Variants in LAMA1 observed in about 807,000 individuals in gnomAD.
LAMA1 encodes laminin subunit alpha-1.
A neutral mutation model predicts 348.7 loss-of-function variants in LAMA1; 219 were observed. That is an observed-to-expected ratio of 0.63 (90% confidence interval 0.56 to 0.70). LAMA1 has a LOEUF of 0.70. Ranked by LOEUF, LAMA1 falls within the 30% of genes least tolerant of loss-of-function variation. LAMA1 has a pLI of 0.00. For missense variants in LAMA1, 3,744 were observed against 3,888.0 expected (o/e 0.96, Z 0.99); for synonymous variants, 1,487 against 1,491.0 (o/e 1.00, Z 0.06).
rs202068831 is a variant in LAMA1, at chr18:6,977,711, G to A, written c.6345+16C>T. On this transcript the variant is annotated intron_variant, in intron 44 of 62. Coordinates refer to ENST00000389658, the MANE Select transcript of LAMA1 (RefSeq NM_005559.4). Reference sequence around the variant, plus strand: ...CTGAGAGCCCAGTTACGAAAGCCACGGGGCCCCAAACTCACAGAAGCTGCT... The same window carrying A: ...CTGAGAGCCCAGTTACGAAAGCCACAGGGCCCCAAACTCACAGAAGCTGCT... 44 of 1,613,666 alleles carry A rather than the reference G, an allele frequency of 2.7e-5. No homozygotes were observed. The highest frequency in any genetic ancestry group is 4.4e-5 in the South Asian group (4 of 91,058).
chr18:6,990,558 G>A (rs1319456384), intron 36 of LAMA1, among the ~76,000 whole-genome samples: 1 of 152,162 alleles, frequency 6.6e-6, no homozygotes, highest in Non-Finnish European at 1.5e-5. Context: ...TGAAGCCTCA[G>A]TGTGCAGTCG....
Position 7,085,579 on chromosome 18 carries a change from C to T in LAMA1, c.62-5122G>A, listed in dbSNP as rs554090759. ...GACTATAGGCACCCGCCACCAAGCC[C>T]GGCTAATTTTTTGTATTTTTAGTAG... On this transcript the variant is annotated intron_variant, in intron 1 of 62. Coordinates refer to ENST00000389658, the MANE Select transcript of LAMA1 (RefSeq NM_005559.4). 9.9e-5 allele frequency among the ~76,000 whole-genome samples: 15 copies of T among 151,918 alleles called. No homozygotes were observed. The East Asian group carries it at 1.2e-3, about 12-fold the overall frequency.
intron 46 of LAMA1, among the ~76,000 whole-genome samples, chr18:6,973,430 T>C (rs1029833371): frequency 1.7e-4 from 26 of 152,268 alleles, no homozygotes; most frequent in African/African-American, 6.3e-4. Context: ...TTAAAACATC[T>C]GAGATGAGCT....
At chr18:6,957,860 C>T (rs1458228588) in intron 55 of LAMA1, among the ~76,000 whole-genome samples, 1 of 151,972 alleles carries the variant, frequency 6.6e-6, no homozygotes, top group Non-Finnish European at 1.5e-5. Context: ...CAGCTCACTG[C>T]ACCTCCGCCT....
chr18:7,043,479 A>G, intron 7 of LAMA1, 74 bp from the exon 8 acceptor site: 1 of 1,191,124 alleles, frequency 8.4e-7, no homozygotes, highest in Non-Finnish European at 1.2e-6. Flanking sequence ...TAACCTCCCT[A>G]AGTAAGTTCT....
Position 7,011,468 on chromosome 18 carries a change from GC to G in LAMA1, c.3518del (p.Gly1173AlafsTer15). ...EDYVRTPVTLGSDQPLLRVVS... is the reference protein window; with the variant it reads ...EDYVRTPVTLXSDQPLLRVVS... ...CCACACGCAGAAGAGGCTGATCGGAGCCCAGCGTTACCTAAACCACGAAAGG... is the reference window on the plus strand; with the variant it reads ...CCACACGCAGAAGAGGCTGATCGGAGCCAGCGTTACCTAAACCACGAAAGG... On this transcript the variant is annotated frameshift_variant, in exon 25 of 63. Transcript: ENST00000389658. LOFTEE classifies it high-confidence loss of function. 1 of 1,604,310 alleles carries G rather than the reference GC, an allele frequency of 6.2e-7. No individual in the cohort carries two copies. Among genetic ancestry groups the G allele is most frequent in the South Asian group, 1.1e-5 (1 of 88,898 alleles).
chr18:6,986,373 G>T, intron 36 of LAMA1, 26 bp from the exon 37 acceptor site: 1 of 1,599,262 alleles, frequency 6.3e-7, no homozygotes. Context: ...GGTTCACATA[G>T]TAAGTAAATG....
Position 7,034,613 on chromosome 18 carries a change from TC to T in LAMA1, c.1916del (p.Arg639AsnfsTer21). 6.2e-7 allele frequency: 1 copy of T among 1,614,216 alleles called. No homozygotes were observed. Among genetic ancestry groups the T allele is most frequent in the Non-Finnish European group, 8.5e-7 (1 of 1,180,030 alleles). On this transcript the variant is annotated frameshift_variant, in exon 14 of 63. Coordinates refer to ENST00000389658, the MANE Select transcript of LAMA1 (RefSeq NM_005559.4). LOFTEE classifies it high-confidence loss of function. Reference sequence around the variant, plus strand: ...AATCTTGGAAGTTTTCAGGCACAAGTCTAACCACGTTTAGGTACTCTTCATA... The same window carrying T: ...AATCTTGGAAGTTTTCAGGCACAAGTTAACCACGTTTAGGTACTCTTCATA... ...QPYEEYLNVV[R>X]LVPENFQDFH...
In LAMA1 at chr18:7,117,668, C is replaced by T. The variant is rs182087823; in HGVS notation, c.53G>A (p.Arg18Gln). 2.1e-4 allele frequency: 340 copies of T among 1,598,342 alleles called. 1 individual carries two copies. In the East Asian group the frequency reaches 7.1e-3, roughly 33 times the overall value. Residue 18 changes from arginine to glutamine, a missense_variant, in exon 1 of 63, where the codon CGG (arginine) becomes CAG (glutamine). Physicochemically the swap from Arg to Gln is conservative, Grantham distance 43 (BLOSUM62 1). Coordinates refer to ENST00000389658, the MANE Select transcript of LAMA1 (RefSeq NM_005559.4). ...ACCCGGGCCGGGCTCACCTCTCTGCCGGCACTGCGCGGCGACACACAGCAG... is the reference window on the plus strand; with the variant it reads ...ACCCGGGCCGGGCTCACCTCTCTGCTGGCACTGCGCGGCGACACACAGCAG... ...VLLLCVAAQC[R>Q]QRGLFPAILN...
chr18:7,013,748 G>T, intron 23 of LAMA1, 67 bp downstream of exon 23: 1 of 1,513,610 alleles, frequency 6.6e-7, no homozygotes, highest in Admixed American at 1.7e-5. Context: ...TAGGTAAGTA[G>T]TCAAAGCCCA....
intron 61 of LAMA1, among the ~76,000 whole-genome samples, chr18:6,945,852 G>A (rs1413723983): frequency 2.0e-5 from 3 of 152,110 alleles, no homozygotes; most frequent in African/African-American, 4.8e-5. Flanking sequence ...TGAAGACCAC[G>A]ATATGGCTAT....
chr18:7,002,294 A>T lies in LAMA1; in HGVS notation c.4352T>A (p.Leu1451Gln). The change falls in exon 30 of 63, where the codon CTG becomes CAG. Residue 1451 changes from leucine to glutamine, a missense_variant. Around this residue, in one of 3 missense-constraint regions of LAMA1, gnomAD observed 1,983 missense variants for 1,934.3 expected, o/e 1.03. Coordinates refer to ENST00000389658, the MANE Select transcript of LAMA1 (RefSeq NM_005559.4). Reference protein sequence around the residue: ...KVTGSASDCALCACPHSPPAS... With the variant: ...KVTGSASDCAQCACPHSPPAS... ...AGGAGGGCTGTGAGGACAGGCACAC[A>T]GAGCACAGTCACTTGCTGAGCCAGT... is the stretch of plus-strand genomic sequence containing the variant. 1 of 1,613,204 alleles carries T rather than the reference A, an allele frequency of 6.2e-7. No individual in the cohort carries two copies. The highest frequency in any genetic ancestry group is 8.5e-7 in the Non-Finnish European group (1 of 1,179,976).
chr18:7,035,984 C>A lies in LAMA1; in HGVS notation c.1839+3G>T, dbSNP rs947962144. ...ATAGCAGAATCAAAGCAAAAACAAT[C>A]ACCTTAATGATGACGTCAGCATGCG... On this transcript the variant is annotated splice_donor_region_variant and intron_variant, in intron 13 of 62. Transcript: ENST00000389658. 3 of 1,611,360 alleles carry A rather than the reference C, an allele frequency of 1.9e-6. No homozygotes were observed. The Middle Eastern group carries it at 5.0e-4, about 266-fold the overall frequency.
chr18:7,100,341 A>G (rs574618890), intron 1 of LAMA1, among the ~76,000 whole-genome samples: 1 of 152,318 alleles, frequency 6.6e-6, no homozygotes, highest in Non-Finnish European at 1.5e-5. Flanking sequence ...GTCTATCATC[A>G]GGTAATGCAT....
Position 6,942,004 on chromosome 18 carries a change from A to C in LAMA1, c.*75T>G. ...GAGTTGGAAATGAAATATGAACTGA[A>C]GAGATTCTTAATTCACACATACACT... is the stretch of plus-strand genomic sequence containing the variant. On this transcript the variant is annotated 3_prime_UTR_variant, in exon 63 of 63. Coordinates refer to ENST00000389658, the MANE Select transcript of LAMA1 (RefSeq NM_005559.4). 9.7e-5 allele frequency: 149 copies of C among 1,541,960 alleles called. No homozygotes were observed. The highest frequency in any genetic ancestry group is 3.5e-4 in the Middle Eastern group (2 of 5,676).
Position 6,941,806 on chromosome 18 carries a change from T to G in LAMA1, c.*273A>C. On this transcript the variant is annotated 3_prime_UTR_variant, in exon 63 of 63. Coordinates refer to ENST00000389658, the MANE Select transcript of LAMA1 (RefSeq NM_005559.4). ...GCTCAAAATGAAAAACATAAAATAC[T>G]ATCAAGTAATCAACAGAACATTCAA... 2.3e-6 allele frequency: 1 copy of G among 436,772 alleles called. No individual in the cohort carries two copies. Among genetic ancestry groups the G allele is most frequent in the East Asian group, 4.8e-5 (1 of 20,744 alleles). 27.1% of individuals were successfully genotyped at this position (436,772 alleles called of 1,614,324 possible).
intron 1 of LAMA1, among the ~76,000 whole-genome samples, chr18:7,088,950 A>C (rs915774987): frequency 1.3e-5 from 2 of 152,086 alleles, no homozygotes; most frequent in African/African-American, 2.4e-5. Context: ...GAGGTTGCAG[A>C]GCTATGATTT....
At position 6,949,144 on chromosome 18, in the gene LAMA1, A is replaced by T. The variant is rs767425492; in HGVS notation, c.8513T>A (p.Leu2838Gln). 6.2e-7 allele frequency: 1 copy of T among 1,614,182 alleles called. No homozygotes were observed. The highest frequency in any genetic ancestry group is 1.1e-5 in the South Asian group (1 of 91,082). ...TMLDVEGLFY[L>Q]GGLPSQYQAR... ...CTGGTACTGGGAGGGCAGGCCTCCTAGGTAGAACAAACCCTCCACATCCAG... is the reference window on the plus strand; with the variant it reads ...CTGGTACTGGGAGGGCAGGCCTCCTTGGTAGAACAAACCCTCCACATCCAG... Residue 2838 changes from leucine (L) to glutamine (Q), a missense_variant, in exon 59 of 63, where the codon CTA (leucine) becomes CAA (glutamine). Around this residue, in one of 3 missense-constraint regions of LAMA1, gnomAD observed 1,983 missense variants for 1,934.3 expected, o/e 1.03. Coordinates refer to ENST00000389658, the MANE Select transcript of LAMA1 (RefSeq NM_005559.4).
intron 17 of LAMA1, 42 bp downstream of exon 17, chr18:7,025,937 T>C: frequency 6.3e-7 from 1 of 1,584,220 alleles, no homozygotes; most frequent in Non-Finnish European, 8.6e-7. Context: ...GTGGGAATCC[T>C]GGCCATGCTG....
Sources: allele counts gnomAD v4.1 joint callset (sites outside exome capture counted in the v4.1 genomes callset), GRCh38; gene constraint gnomAD v4.1.1; regional missense constraint gnomAD v4.1.1; transcripts MANE v1.5; gene names NCBI Gene and HGNC (gene_info 2026-07-23, HGNC 2026-07-21).